The following PEX5L variants were observed in gnomAD, a reference collection of about 807,000 sequenced individuals.
PEX5L encodes the protein peroxisomal biogenesis factor 5 like.
Under a neutral mutation model 84.0 loss-of-function variants are expected in PEX5L, and 30 were observed. That is an observed-to-expected ratio of 0.36 (90% confidence interval 0.27 to 0.48). The LOEUF (loss-of-function observed/expected upper bound fraction) is 0.48, where lower values mean the gene tolerates loss of function less well. Ranked by LOEUF, PEX5L falls within the 20% of genes least tolerant of loss-of-function variation. The pLI, the probability that PEX5L is intolerant of heterozygous loss-of-function variation, is 0.99. For synonymous variants in PEX5L, 270 were observed against 283.1 expected (o/e 0.95, Z 0.46); for missense variants, 533 against 754.6 (o/e 0.71, Z 3.44).
chr3:179,833,616 A>G (rs143520986), intron 8 of PEX5L, among the ~76,000 whole-genome samples: 1,619 of 152,308 alleles, frequency 0.011, 17 homozygotes, highest in Middle Eastern at 0.071. Context: ...ATAGAAGGTC[A>G]GTGATTCCAC....
intron 8 of PEX5L, among the ~76,000 whole-genome samples, chr3:179,835,574 A>C (rs972318787): frequency 1.3e-5 from 2 of 152,206 alleles, no homozygotes; most frequent in Non-Finnish European, 2.9e-5. Flanking sequence ...TTAGAATCTG[A>C]AGAACATTGC....
chr3:179,987,937 CT>C (rs1456335318), intron 1 of PEX5L, among the ~76,000 whole-genome samples: 1 of 152,106 alleles, frequency 6.6e-6, no homozygotes, highest in Non-Finnish European at 1.5e-5. Context: ...GTTTTGATCA[CT>C]TTTTTCTCAT....
At chr3:179,808,666 G>A (rs1722360900) in intron 12 of PEX5L, among the ~76,000 whole-genome samples, 1 of 152,168 alleles carries the variant, frequency 6.6e-6, no homozygotes, top group Non-Finnish European at 1.5e-5. Context: ...GCTAAGTAAG[G>A]TCTTCACGAG....
intron 3 of PEX5L, among the ~76,000 whole-genome samples, chr3:179,894,415 G>T (rs559672688): frequency 2.0e-4 from 31 of 152,156 alleles, no homozygotes; most frequent in Non-Finnish European, 3.1e-4. Context: ...TCTGGTAACG[G>T]ATAATCAAGT....
intron 1 of PEX5L, among the ~76,000 whole-genome samples, chr3:180,018,646 C>A (rs545092090): frequency 6.6e-6 from 1 of 152,252 alleles, no homozygotes; most frequent in Admixed American, 6.5e-5. Flanking sequence ...GGCCTGGGAA[C>A]CTTGTTCATT....
intron 1 of PEX5L, among the ~76,000 whole-genome samples, chr3:180,015,781 C>T (rs1241647207): frequency 6.6e-6 from 1 of 151,080 alleles, no homozygotes; most frequent in Admixed American, 6.6e-5. Context: ...GAATGAAGGG[C>T]AATGATAGAA....
At chr3:179,888,149 C>G (rs1756487031) in intron 3 of PEX5L, 2 of 1,290,464 alleles carry the variant, frequency 1.5e-6, no homozygotes, top group African/African-American at 3.0e-5. Flanking sequence ...GAGACCTGGA[C>G]CAGTGGCTTC....
intron 2 of PEX5L, among the ~76,000 whole-genome samples, chr3:179,914,558 G>T (rs1031542789): frequency 2.0e-5 from 3 of 152,198 alleles, no homozygotes; most frequent in Non-Finnish European, 4.4e-5. Context: ...GGGCACAAAG[G>T]TGTTAAATGA....
chr3:179,858,435 C>T (rs1744820670), intron 8 of PEX5L, among the ~76,000 whole-genome samples: 1 of 151,872 alleles, frequency 6.6e-6, no homozygotes, highest in South Asian at 2.1e-4. Flanking sequence ...TCCCTCCTTT[C>T]TTCCCTCTTC....
chr3:179,854,655 GA>G (rs1357993472), intron 8 of PEX5L, among the ~76,000 whole-genome samples: 1 of 152,062 alleles, frequency 6.6e-6, no homozygotes, highest in African/African-American at 2.4e-5. Context: ...ATAGATAGAT[GA>G]AAAAAAGCGT....
intron 2 of PEX5L, among the ~76,000 whole-genome samples, chr3:179,942,323 G>A (rs1169792522): frequency 6.6e-6 from 1 of 152,212 alleles, no homozygotes; most frequent in African/African-American, 2.4e-5. Context: ...TGCACCTGGA[G>A]CCTGAGGAGG....
In PEX5L at chr3:179,995,094, T is replaced by C. The variant is rs571663326; in HGVS notation, c.22-23429A>G. Among the ~76,000 whole-genome samples the C allele has an allele frequency of 6.4e-4, 95 of 147,992 alleles. 1 individual carries two copies. Among genetic ancestry groups the C allele is most frequent in the African/African-American group, 2.2e-3 (90 of 40,678 alleles). ...TAGCATAGAGAGTATATATATAGTATATATATACACACACTATATATACTA... is the reference window on the plus strand; with the variant it reads ...TAGCATAGAGAGTATATATATAGTACATATATACACACACTATATATACTA... On this transcript the variant is annotated intron_variant, in intron 1 of 14. Transcript: ENST00000467460.
chr3:179,969,825 T>C (rs931547499), intron 2 of PEX5L, among the ~76,000 whole-genome samples: 1 of 152,110 alleles, frequency 6.6e-6, no homozygotes, highest in East Asian at 1.9e-4. Flanking sequence ...TCTGAGAAAA[T>C]TGAATCCACC....
At chr3:179,809,891 A>C (rs1723056073) in intron 11 of PEX5L, among the ~76,000 whole-genome samples, 1 of 151,520 alleles carries the variant, frequency 6.6e-6, no homozygotes, top group Non-Finnish European at 1.5e-5. Context: ...TAGGTTTGGT[A>C]ATTTTAATAA....
chr3:180,000,664 G>T (rs1187753978), intron 1 of PEX5L, among the ~76,000 whole-genome samples: 1 of 151,186 alleles, frequency 6.6e-6, no homozygotes, highest in African/African-American at 2.5e-5. Flanking sequence ...GTTTGTGCAT[G>T]TATATACTTG....
At chr3:180,011,278 CA>C (rs1350323285) in intron 1 of PEX5L, among the ~76,000 whole-genome samples, 1 of 152,184 alleles carries the variant, frequency 6.6e-6, no homozygotes, top group Non-Finnish European at 1.5e-5. Context: ...GAAGTTCCTT[CA>C]TATCTTTTTG....
intron 9 of PEX5L, among the ~76,000 whole-genome samples, chr3:179,816,894 C>A (rs867771862): frequency 1.3e-5 from 2 of 151,878 alleles, no homozygotes; most frequent in South Asian, 2.1e-4. Context: ...ACCTGTAATG[C>A]CACAACCGAG....
intron 7 of PEX5L, among the ~76,000 whole-genome samples, chr3:179,869,929 A>T (rs989859612): frequency 2.6e-5 from 4 of 152,226 alleles, no homozygotes; most frequent in African/African-American, 9.6e-5. Flanking sequence ...TTCAGCCTAA[A>T]GATTTCTCTG....
At chr3:179,937,152 G>C (rs898396585) in intron 2 of PEX5L, among the ~76,000 whole-genome samples, 1 of 152,086 alleles carries the variant, frequency 6.6e-6, no homozygotes, top group African/African-American at 2.4e-5. Flanking sequence ...AGGAGCTTCA[G>C]GCCATCTTGT....
Sources: gnomAD v4.1 joint callset for allele counts (sites outside exome capture counted in the v4.1 genomes callset) on GRCh38, gnomAD v4.1.1 for gene constraint, MANE v1.5 for transcripts, NCBI Gene and HGNC (gene_info 2026-07-23, HGNC 2026-07-21) for gene names.